The following SVEP1 variants were observed in gnomAD, a reference collection of about 807,000 sequenced individuals.
SVEP1 encodes the protein sushi, von Willebrand factor type A, EGF and pentraxin domain containing 1.
Under a neutral mutation model 367.3 loss-of-function variants are expected in SVEP1, and 164 were observed. The observed-to-expected ratio is 0.45, with a 90% confidence interval of 0.39 to 0.51. The LOEUF (loss-of-function observed/expected upper bound fraction) is 0.51, where lower values mean the gene tolerates loss of function less well. SVEP1 is among the 20% of genes least tolerant of loss of function. The pLI is 0.00. For missense variants in SVEP1, 4,117 were observed against 4,425.3 expected, an observed-to-expected ratio of 0.93 and a Z score of 1.98; for synonymous variants, 1,666 against 1,611.6, an observed-to-expected ratio of 1.03 and a Z score of -0.81.
At chr9:110,502,987 C>A in intron 6 of SVEP1, 51 bp downstream of exon 6, 2 of 1,557,186 alleles carry the variant, frequency 1.3e-6, no homozygotes, top group Non-Finnish European at 1.7e-6. Flanking sequence ...CTGGAGAAAT[C>A]AGAGCAGAGG....
chr9:110,546,428 C>T (rs940218416), intron 2 of SVEP1, 137 bp from the exon 3 acceptor site: 13 of 969,750 alleles, frequency 1.3e-5, no homozygotes, highest in Middle Eastern at 2.9e-4. Context: ...TTCCTGCTCC[C>T]ACCCAAATAC....
intron 36 of SVEP1, among the ~76,000 whole-genome samples, chr9:110,412,425 T>C (rs972339412): frequency 1.3e-5 from 2 of 152,162 alleles, no homozygotes; most frequent in Non-Finnish European, 2.9e-5. Context: ...ACGTTAAACC[T>C]AAAACCATAA....
intron 3 of SVEP1, among the ~76,000 whole-genome samples, chr9:110,520,965 T>C (rs1301864790): frequency 6.6e-6 from 1 of 152,174 alleles, no homozygotes; most frequent in East Asian, 1.9e-4. Flanking sequence ...GCCTCTACTT[T>C]CTGCTATAAA....
At chr9:110,569,857 C>T (rs1198491699) in intron 1 of SVEP1, among the ~76,000 whole-genome samples, 1 of 152,184 alleles carries the variant, frequency 6.6e-6, no homozygotes, top group Non-Finnish European at 1.5e-5. Flanking sequence ...ATCTTTATTG[C>T]TTCACCCTTT....
Position 110,407,455 on chromosome 9 carries a change from A to C in SVEP1, c.8145T>G (p.Ile2715Met). ...WNGSAPSCIS[I>M]ECDLPTAPEN... ...CAGGAGCAGTAGGCAAGTCACATTC[A>C]ATTGAAATGCAGGATGGTGCACTGC... is the stretch of plus-strand genomic sequence containing the variant. Residue 2715 changes from isoleucine to methionine, a missense_variant, in exon 38 of 48, where the codon ATT becomes ATG. Physicochemically the swap from Ile to Met is conservative, Grantham distance 10. Coordinates refer to ENST00000374469, the MANE Select transcript of SVEP1 (RefSeq NM_153366.4). 1 of 1,614,034 alleles carries C rather than the reference A, an allele frequency of 6.2e-7. No homozygotes were observed. Among genetic ancestry groups the C allele is most frequent in the Non-Finnish European group, 8.5e-7 (1 of 1,179,902 alleles).
intron 8 of SVEP1, among the ~76,000 whole-genome samples, chr9:110,495,149 C>T (rs796244294): frequency 1.3e-5 from 2 of 152,314 alleles, no homozygotes; most frequent in South Asian, 2.1e-4. Flanking sequence ...GTATATTCAA[C>T]TTCTCCATCT....
chr9:110,409,050 A>C (rs1828003664), intron 37 of SVEP1, 99 bp from the exon 38 acceptor site: 1 of 1,299,958 alleles, frequency 7.7e-7, no homozygotes, highest in Non-Finnish European at 1.0e-6. Context: ...GGTCTATGTT[A>C]AAATGAATCA....
chr9:110,435,423 AC>A, intron 28 of SVEP1, 59 bp from the exon 29 acceptor site: 2 of 1,583,738 alleles, frequency 1.3e-6, no homozygotes, highest in South Asian at 2.3e-5. Flanking sequence ...TGGAGTTATT[AC>A]ACATTAATTT....
chr9:110,389,411 TG>T, intron 41 of SVEP1, 112 bp downstream of exon 41: 1 of 1,276,360 alleles, frequency 7.8e-7, no homozygotes, highest in Non-Finnish European at 1.1e-6. Context: ...ATATGGCTTA[TG>T]GAGTTGGCTT....
intron 1 of SVEP1, among the ~76,000 whole-genome samples, chr9:110,557,469 TTCCCTCCCTTCCTGCC>T (rs1431409174): frequency 1.1e-4 from 16 of 151,810 alleles, no homozygotes; most frequent in African/African-American, 3.9e-4. Context: ...ATGTAACCCC[TTCCCTCCCTTCCTGCC>T]TCCCTCCCTC....
Position 110,514,817 on chromosome 9 carries a change from G to A in SVEP1, c.965-711C>T, listed in dbSNP as rs553792812. On this transcript the variant is annotated intron_variant, in intron 3 of 47. Coordinates refer to ENST00000374469, the MANE Select transcript of SVEP1 (RefSeq NM_153366.4). ...CCCTATAGCCCAACTCCCCCATCCTGTGCACCTCATCTCTAGCACTGAGCC... is the reference window on the plus strand; with the variant it reads ...CCCTATAGCCCAACTCCCCCATCCTATGCACCTCATCTCTAGCACTGAGCC... 1.8e-4 allele frequency among the ~76,000 whole-genome samples: 27 copies of A among 152,274 alleles called. No individual in the cohort carries two copies. In the South Asian group the frequency reaches 5.4e-3, roughly 30 times the overall value.
rs1164167696 is a variant in SVEP1, at chr9:110,386,060, C to G, written c.10075G>C (p.Val3359Leu). ...GCATTCTCGGGAATCACAAAAGGAA[C>G]AGGGCATGGATTTGCTGTCAAAAAG... ...VPLCKPNPCP[V>L]PFVIPENALL... Residue 3359 changes from valine to leucine, a missense_variant, in exon 43 of 48, where the codon GTT (valine) becomes CTT (leucine). By Grantham distance (32) the Val-to-Leu change is conservative. Coordinates refer to ENST00000374469, the MANE Select transcript of SVEP1 (RefSeq NM_153366.4). 4 of 1,613,034 alleles carry G rather than the reference C, an allele frequency of 2.5e-6. No homozygotes were observed. Among genetic ancestry groups the G allele is most frequent in the Admixed American group, 3.3e-5 (2 of 59,836 alleles).
chr9:110,556,261 AC>A (rs1199196806), intron 1 of SVEP1, among the ~76,000 whole-genome samples: 4 of 152,074 alleles, frequency 2.6e-5, no homozygotes, highest in Non-Finnish European at 4.4e-5. Context: ...ACAAGACGGC[AC>A]CCCCACTCCA....
At chr9:110,377,050 A>T in intron 45 of SVEP1, 1 of 402,196 alleles carries the variant, frequency 2.5e-6, no homozygotes, top group Non-Finnish European at 4.4e-6. Context: ...GGAACATGTG[A>T]AAATGACTTT....
chr9:110,444,427 T>C (rs954870534), intron 26 of SVEP1, among the ~76,000 whole-genome samples: 2 of 152,160 alleles, frequency 1.3e-5, no homozygotes, highest in Admixed American at 1.3e-4. Flanking sequence ...AGAAATATAT[T>C]TCTGTTCTTT....
In SVEP1 at chr9:110,430,273, C is replaced by G. The variant is rs1564140589; in HGVS notation, c.5530+1G>C. The G allele has an allele frequency of 6.2e-7, 1 of 1,610,310 alleles. No homozygotes were observed. The highest frequency in any genetic ancestry group is 8.5e-7 in the Non-Finnish European group (1 of 1,178,170). ...AAACGTGGTAAATTTACTAAACATA[C>G]CTTTACAATATGGTATTAGATGATT... is the stretch of plus-strand genomic sequence containing the variant. On this transcript the variant is annotated splice_donor_variant, in intron 33 of 47. Transcript: ENST00000374469. LOFTEE classifies it high-confidence loss of function.
rs552842563 is a variant in SVEP1 at position 110,433,996 on chromosome 9, A to C, written c.5059+340T>G. Among the ~76,000 whole-genome samples, 4 of 152,290 alleles carry C rather than the reference A, an allele frequency of 2.6e-5. No homozygotes were observed. In the East Asian group the frequency reaches 7.7e-4, roughly 29 times the overall value. ...TAGGTACTTTAAAAGTTGCTGAATA[A>C]ATGAATGAATGAATGCACTCGACTG... On this transcript the variant is annotated intron_variant, in intron 30 of 47. Coordinates refer to ENST00000374469, the MANE Select transcript of SVEP1 (RefSeq NM_153366.4).
Position 110,389,673 on chromosome 9 carries a change from C to T in SVEP1, c.9823-86G>A, listed in dbSNP as rs1021056560. 10 of 1,461,974 alleles carry T rather than the reference C, an allele frequency of 6.8e-6. No individual in the cohort carries two copies. The African/African-American group carries it at 1.3e-4, about 18-fold the overall frequency. The allele number at this position is 1,461,974 out of a possible 1,614,324, so 90.6% of individuals were successfully genotyped here. A position where few individuals can be genotyped will look rare whatever the true frequency, so the allele number is the denominator to read the frequency against. ...AAATGCAAAGTAATCTTAGCTATGG[C>T]CTTGAATCGCTCAGCACTGGAATGC... On this transcript the variant is annotated intron_variant, in intron 40 of 47. Coordinates refer to ENST00000374469, the MANE Select transcript of SVEP1 (RefSeq NM_153366.4).
At chr9:110,496,722 T>C (rs1162639669) in intron 8 of SVEP1, 93 bp downstream of exon 8, 1 of 853,556 alleles carries the variant, frequency 1.2e-6, no homozygotes, top group Non-Finnish European at 1.8e-6. Flanking sequence ...ATACAAGTAT[T>C]ACCATGAGCA....
Sources: gnomAD v4.1 joint callset for allele counts (sites outside exome capture counted in the v4.1 genomes callset) on GRCh38, gnomAD v4.1.1 for gene constraint, MANE v1.5 for transcripts, NCBI Gene and HGNC (gene_info 2026-07-23, HGNC 2026-07-21) for gene names.